The following PPIL6 variants were observed in gnomAD, a reference collection of about 807,000 sequenced individuals.
PPIL6 encodes probable inactive peptidyl-prolyl cis-trans isomerase-like 6.
A neutral mutation model predicts 36.8 loss-of-function variants in PPIL6; 39 were observed. The observed-to-expected ratio is 1.06, with a 90% CI of 0.82 to 1.38. The LOEUF is 1.38. Ranked by LOEUF, PPIL6 falls within the 40% of genes most tolerant of loss-of-function variation. The probability of loss-of-function intolerance (pLI) is 0.00; values close to 1 mark genes in which losing one functional copy is unlikely to be tolerated. For missense variants in PPIL6, 368 were observed against 379.1 expected (o/e 0.97, Z 0.24); for synonymous variants, 123 against 134.1 (o/e 0.92, Z 0.57).
intron 2 of PPIL6, among the ~76,000 whole-genome samples, chr6:109,434,293 C>T (rs1774325726): frequency 6.6e-6 from 1 of 152,080 alleles, no homozygotes; most frequent in Non-Finnish European, 1.5e-5. Context: ...CAGTGGCTCA[C>T]ACCTGTAATC....
chr6:109,414,988 A>C (rs555940041), intron 6 of PPIL6, among the ~76,000 whole-genome samples: 1 of 152,332 alleles, frequency 6.6e-6, no homozygotes, highest in Admixed American at 6.5e-5. Context: ...AAGGAAGAGA[A>C]AATATATCTA....
chr6:109,403,104 A>G, intron 6 of PPIL6: 2 of 1,517,594 alleles, frequency 1.3e-6, no homozygotes, highest in Non-Finnish European at 1.8e-6. Context: ...AGCTTCCATA[A>G]AGCTCTAAAA....
rs542911386 is a variant in PPIL6, at chr6:109,393,079, C to T, written c.825-142G>A. 41 of 595,774 alleles carry T rather than the reference C, an allele frequency of 6.9e-5. No homozygotes were observed. The African/African-American group carries it at 7.1e-4, about 10-fold the overall frequency. 36.9% of individuals were successfully genotyped at this position (595,774 alleles called of 1,614,324 possible). A position where few individuals can be genotyped will look rare whatever the true frequency, so the allele number is the denominator to read the frequency against. ...GAACATCAGCTCTAAGTATCCTAAA[C>T]CTCTCTGGATGTGTGCACTTTACCA... On this transcript the variant is annotated intron_variant, in intron 7 of 7. Coordinates refer to ENST00000521072, the MANE Select transcript of PPIL6 (RefSeq NM_173672.5).
chr6:109,401,631 C>T (rs1198449028), intron 6 of PPIL6, among the ~76,000 whole-genome samples: 1 of 152,060 alleles, frequency 6.6e-6, no homozygotes, highest in African/African-American at 2.4e-5. Context: ...GCTGATGCTC[C>T]TTATTCATTT....
intron 5 of PPIL6, among the ~76,000 whole-genome samples, chr6:109,421,474 C>G (rs548286358): frequency 4.7e-4 from 72 of 152,320 alleles, no homozygotes; most frequent in African/African-American, 1.7e-3. Flanking sequence ...AATGAAATAA[C>G]ATAGGTAGAG....
At chr6:109,426,579 T>C (rs183284209) in intron 5 of PPIL6, among the ~76,000 whole-genome samples, 1 of 152,312 alleles carries the variant, frequency 6.6e-6, no homozygotes, top group East Asian at 1.9e-4. Context: ...ATAAAATTGG[T>C]AAAATAAAAT....
At chr6:109,429,906 C>T (rs993169157) in intron 3 of PPIL6, among the ~76,000 whole-genome samples, 1 of 152,208 alleles carries the variant, frequency 6.6e-6, no homozygotes, top group African/African-American at 2.4e-5. Context: ...CACCAAGAAT[C>T]TTGACTGAAA....
At chr6:109,415,598 G>C (rs1253779347) in intron 6 of PPIL6, among the ~76,000 whole-genome samples, 1 of 152,184 alleles carries the variant, frequency 6.6e-6, no homozygotes, top group Non-Finnish European at 1.5e-5. Flanking sequence ...GTGAAGTCAA[G>C]CACAACATCT....
intron 6 of PPIL6, among the ~76,000 whole-genome samples, chr6:109,406,236 G>A (rs1429178786): frequency 6.8e-6 from 1 of 147,160 alleles, no homozygotes; most frequent in South Asian, 2.1e-4. Flanking sequence ...TTTTTTTTAA[G>A]AGATGGGATC....
intron 7 of PPIL6, among the ~76,000 whole-genome samples, chr6:109,397,215 T>C (rs564110328): frequency 6.0e-4 from 44 of 73,464 alleles, no homozygotes; most frequent in Admixed American, 4.4e-3. Context: ...TGAGGCAGAA[T>C]AGCAGAATAG....
At chr6:109,400,890 C>T (rs1282545549) in intron 6 of PPIL6, among the ~76,000 whole-genome samples, 3 of 151,934 alleles carry the variant, frequency 2.0e-5, no homozygotes, top group Non-Finnish European at 2.9e-5. Flanking sequence ...GAGGGAGTCT[C>T]GCTCTGTCGC....
At chr6:109,433,070 T>C (rs1000315803) in intron 2 of PPIL6, among the ~76,000 whole-genome samples, 53 of 151,940 alleles carry the variant, frequency 3.5e-4, no homozygotes, top group Admixed American at 6.6e-5. Context: ...TTTTTTTTTT[T>C]TTTTGAGACC....
chr6:109,392,822 A>G lies in PPIL6; in HGVS notation c.*4T>C. On this transcript the variant is annotated 3_prime_UTR_variant, in exon 8 of 8. Coordinates refer to ENST00000521072, the MANE Select transcript of PPIL6 (RefSeq NM_173672.5). Reference sequence around the variant, plus strand: ...AATTATCACAGAAAATATTGATATGAAAATCAAGCATAAGGATCTCCACTG... The same window carrying G: ...AATTATCACAGAAAATATTGATATGGAAATCAAGCATAAGGATCTCCACTG... 1 of 1,429,548 alleles carries G rather than the reference A, an allele frequency of 7.0e-7. No individual in the cohort carries two copies. The highest frequency in any genetic ancestry group is 9.7e-7 in the Non-Finnish European group (1 of 1,031,002). 88.6% of individuals were successfully genotyped at this position (1,429,548 alleles called of 1,614,324 possible).
In PPIL6 at chr6:109,440,490, C is replaced by T. The variant is rs777228246; in HGVS notation, c.101G>A (p.Cys34Tyr). 3 of 1,539,402 alleles carry T rather than the reference C, an allele frequency of 1.9e-6. No homozygotes were observed. In the South Asian group the frequency reaches 3.6e-5, roughly 19 times the overall value. The change falls in exon 1 of 8, where the codon TGC becomes TAC. Residue 34 changes from cysteine (C) to tyrosine (Y), a missense_variant. Coordinates refer to ENST00000521072, the MANE Select transcript of PPIL6 (RefSeq NM_173672.5). ...LQVKVVGLFS[C>Y]PNFQIAKSAA... ...GCTCTTCGCAATCTGAAAGTTGGGG[C>T]AGCTGAAGAGCCCCACCACCTTCAC...
chr6:109,429,513 C>T (rs1220311120), intron 3 of PPIL6, among the ~76,000 whole-genome samples: 2 of 152,130 alleles, frequency 1.3e-5, no homozygotes, highest in Non-Finnish European at 2.9e-5. Context: ...GTCCCACCAC[C>T]TTCACTAGAA....
In PPIL6 at chr6:109,426,879, C is replaced by T. The variant is rs143614248; in HGVS notation, c.599G>A (p.Arg200Gln). 1,180 of 1,599,770 alleles carry T rather than the reference C, an allele frequency of 7.4e-4. 5 individuals are homozygous for T. The highest frequency in any genetic ancestry group is 6.6e-4 in the Middle Eastern group (4 of 6,016). The change falls in exon 5 of 8, where the codon CGA becomes CAA. Residue 200 changes from arginine (R) to glutamine (Q), a missense_variant. Arg to Gln is a conservative substitution (Grantham distance 43). Coordinates refer to ENST00000521072, the MANE Select transcript of PPIL6 (RefSeq NM_173672.5). ...TTGTATCCAGCCATTCTGTACTATT[C>T]GATGAAAAATGGAATTTTTGTAATG... The part of the protein sequence containing the change: ...RLHYKNSIFH[R>Q]IVQNGWIQGG...
chr6:109,391,987 A>C lies in PPIL6; in HGVS notation c.*839T>G, dbSNP rs1465687516. ...AACATAATTCTATTACAAATGTCTT[A>C]GGCTATCAGGTGTGTTGCTAAATTA... On this transcript the variant is annotated 3_prime_UTR_variant, in exon 8 of 8. Coordinates refer to ENST00000521072, the MANE Select transcript of PPIL6 (RefSeq NM_173672.5). The C allele has an allele frequency of 6.6e-6, 1 of 152,228 alleles. No homozygotes were observed. The highest frequency in any genetic ancestry group is 1.9e-4 in the East Asian group (1 of 5,198). 9.4% of individuals were successfully genotyped at this position (152,228 alleles called of 1,614,324 possible). A position where few individuals can be genotyped will look rare whatever the true frequency, so the allele number is the denominator to read the frequency against.
intron 2 of PPIL6, among the ~76,000 whole-genome samples, chr6:109,435,879 C>T (rs1405809484): frequency 6.6e-6 from 1 of 152,062 alleles, no homozygotes; most frequent in East Asian, 1.9e-4. Flanking sequence ...GAGCCAAGAT[C>T]GCCCCACTGC....
At chr6:109,394,206 C>T (rs1422225846) in intron 7 of PPIL6, among the ~76,000 whole-genome samples, 1 of 151,980 alleles carries the variant, frequency 6.6e-6, no homozygotes, top group Non-Finnish European at 1.5e-5. Flanking sequence ...AACCCTGTCT[C>T]TAATAAAATA....
Sources: gnomAD v4.1 joint callset for allele counts (sites outside exome capture counted in the v4.1 genomes callset) on GRCh38, gnomAD v4.1.1 for gene constraint, MANE v1.5 for transcripts, NCBI Gene and HGNC (gene_info 2026-07-23, HGNC 2026-07-21) for gene names.